The following FNDC1 variants were observed in gnomAD, a reference collection of about 807,000 sequenced individuals.
FNDC1 encodes the protein fibronectin type III domain-containing protein 1.
In FNDC1, 96 loss-of-function variants were observed where a neutral mutation model predicts 168.0. The ratio of observed to expected loss-of-function variants is 0.57; its 90% CI spans 0.48 to 0.68. FNDC1 has a LOEUF of 0.68. Among genes scored for constraint, FNDC1 ranks in the 30% least tolerant of loss-of-function variants. The pLI is 0.00. For synonymous variants in FNDC1, 1,099 were observed against 1,025.9 expected (o/e 1.07, Z -1.36); for missense variants, 2,587 against 2,482.1 (o/e 1.04, Z -0.90).
At chr6:159,238,789 GAGA>G in intron 13 of FNDC1, 124 bp downstream of exon 13, 1 of 652,466 alleles carries the variant, frequency 1.5e-6, no homozygotes, top group South Asian at 2.1e-5. Context: ...TTACCCATGT[GAGA>G]AGAAGAGCCT....
At chr6:159,247,548 A>G (rs926856183) in intron 15 of FNDC1, among the ~76,000 whole-genome samples, 3 of 152,092 alleles carry the variant, frequency 2.0e-5, no homozygotes, top group Non-Finnish European at 4.4e-5. Flanking sequence ...CAGGAGTTCA[A>G]AAGCAGCCTG....
At position 159,238,575 on chromosome 6, in the gene FNDC1, T is replaced by C. The variant is rs1051868181; in HGVS notation, c.4090T>C (p.Leu1364=). ...TKWVVDLDRG[L]VLNAEGRYLQ... ...TTAGGTTGTGGACCTTGATCGTGGG[T>C]TAGTATTGAATGCAGAAGGAAGGTA... The change falls in exon 13 of 23, where the codon TTA becomes CTA. Residue 1364 remains leucine (L), a synonymous_variant. Transcript: ENST00000297267. 2 of 1,610,932 alleles carry C rather than the reference T, an allele frequency of 1.2e-6. No homozygotes were observed. The highest frequency in any genetic ancestry group is 1.3e-5 in the African/African-American group (1 of 74,864).
At position 159,232,088 on chromosome 6, in the gene FNDC1, C is replaced by G. The variant is rs267600879; in HGVS notation, c.1576C>G (p.Arg526Gly). The stretch of plus-strand genomic sequence containing the variant: ...TGGGGCGCCCCGAAAACCCCAGCTT[C>G]GCGCCAAGAAGGCAGAGGAGCTGGA... ...NGGAPRKPQL[R>G]AKKAEELDLQ... Residue 526 changes from arginine to glycine, a missense_variant, in exon 11 of 23, where the codon CGC becomes GGC. Transcript: ENST00000297267. The surrounding 1 kb of genome is among the most constrained non-coding windows in gnomAD (Gnocchi z 4.9). 18 of 1,613,766 alleles carry G rather than the reference C, an allele frequency of 1.1e-5. No homozygotes were observed. The highest frequency in any genetic ancestry group is 1.5e-5 in the Non-Finnish European group (18 of 1,179,784).
At chr6:159,204,248 A>G (rs1190078594) in intron 4 of FNDC1, among the ~76,000 whole-genome samples, 1 of 152,102 alleles carries the variant, frequency 6.6e-6, no homozygotes, top group East Asian at 1.9e-4. Flanking sequence ...TTGCTCCCTA[A>G]ATCCAGCAAC....
At chr6:159,253,416 C>G (rs1273989434) in intron 17 of FNDC1, among the ~76,000 whole-genome samples, 1 of 152,198 alleles carries the variant, frequency 6.6e-6, no homozygotes, top group Non-Finnish European at 1.5e-5. Flanking sequence ...AATGAAGCAT[C>G]ACATTATCGG....
chr6:159,200,401 C>T, intron 3 of FNDC1, 112 bp from the exon 4 acceptor site: 1 of 839,050 alleles, frequency 1.2e-6, no homozygotes, highest in South Asian at 1.7e-5. Flanking sequence ...CTGAGCAGAT[C>T]CTTTTGAAGA....
chr6:159,198,376 T>C (rs1453889364), intron 2 of FNDC1, among the ~76,000 whole-genome samples: 1 of 152,238 alleles, frequency 6.6e-6, no homozygotes, highest in Non-Finnish European at 1.5e-5. Flanking sequence ...TAGTGGATCA[T>C]GGGCTCCTCA....
chr6:159,271,638 A>G lies in FNDC1; in HGVS notation c.*196A>G. 2.0e-6 allele frequency: 1 copy of G among 509,648 alleles called. No individual in the cohort carries two copies. Among genetic ancestry groups the G allele is most frequent in the Admixed American group, 3.4e-5 (1 of 29,838 alleles). The allele number at this position is 509,648 out of a possible 1,614,324, so 31.6% of individuals were successfully genotyped here. A position where few individuals can be genotyped will look rare whatever the true frequency, so the allele number is the denominator to read the frequency against. On this transcript the variant is annotated 3_prime_UTR_variant, in exon 23 of 23. Coordinates refer to ENST00000297267, the MANE Select transcript of FNDC1 (RefSeq NM_032532.3). ...CTTCTTGGCCTGGACAATGAACAGG[A>G]TTCAGTTTTGCTGTTAACTTTGCTT...
rs1224932364 is a variant in FNDC1, at chr6:159,183,430, G to A, written c.109+13725G>A. ...AAACTGTCATCCCTCAGACCTCTGCGTTCTTTGGGTGGAGATGTCAAGTAG... is the reference window on the plus strand; with the variant it reads ...AAACTGTCATCCCTCAGACCTCTGCATTCTTTGGGTGGAGATGTCAAGTAG... On this transcript the variant is annotated intron_variant, in intron 1 of 22. Coordinates refer to ENST00000297267, the MANE Select transcript of FNDC1 (RefSeq NM_032532.3). Among the ~76,000 whole-genome samples the A allele has an allele frequency of 5.3e-5, 8 of 152,184 alleles. No individual in the cohort carries two copies. The East Asian group carries it at 5.8e-4, about 11-fold the overall frequency.
At chr6:159,228,876 C>G (rs1056304550) in intron 9 of FNDC1, among the ~76,000 whole-genome samples, 2 of 152,024 alleles carry the variant, frequency 1.3e-5, no homozygotes, top group Admixed American at 6.5e-5. Flanking sequence ...GGGTTTCACC[C>G]TGCTGGCCAG....
At chr6:159,199,680 T>C (rs1782330679) in intron 2 of FNDC1, among the ~76,000 whole-genome samples, 1 of 152,252 alleles carries the variant, frequency 6.6e-6, no homozygotes, top group Non-Finnish European at 1.5e-5. Flanking sequence ...GTTTCCTACA[T>C]GGATTTCACA....
chr6:159,179,039 C>A (rs1781827827), intron 1 of FNDC1, among the ~76,000 whole-genome samples: 1 of 152,190 alleles, frequency 6.6e-6, no homozygotes. Context: ...CCACGCCCTC[C>A]CTCACCGTCT....
At chr6:159,219,444 G>A (rs1364664894) in intron 5 of FNDC1, among the ~76,000 whole-genome samples, 10 of 152,132 alleles carry the variant, frequency 6.6e-5, no homozygotes, top group Non-Finnish European at 2.9e-5. Flanking sequence ...TTGCTGGGTG[G>A]CTGTGGCCTG....
chr6:159,213,179 A>G (rs761457540), intron 4 of FNDC1, among the ~76,000 whole-genome samples: 5 of 152,230 alleles, frequency 3.3e-5, no homozygotes, highest in Non-Finnish European at 7.3e-5. Flanking sequence ...CAGCAAGGCC[A>G]GAGCCTGGAA....
intron 2 of FNDC1, 70 bp from the exon 3 acceptor site, chr6:159,199,926 G>A (rs1782336701): frequency 1.5e-6 from 2 of 1,310,574 alleles, no homozygotes; most frequent in Non-Finnish European, 2.2e-6. Context: ...GGTTATGCAT[G>A]GTTAGTGAGT....
At chr6:159,191,781 G>A (rs547318300) in intron 1 of FNDC1, among the ~76,000 whole-genome samples, 93 of 152,328 alleles carry the variant, frequency 6.1e-4, no homozygotes, top group Non-Finnish European at 1.1e-3. Context: ...GCTAAAATCA[G>A]TGCATTTCAA....
intron 11 of FNDC1, among the ~76,000 whole-genome samples, chr6:159,235,943 T>TG (rs1203609103): frequency 6.6e-6 from 1 of 152,246 alleles, no homozygotes; most frequent in African/African-American, 2.4e-5. Flanking sequence ...AAGTTTTCTA[T>TG]GGCAAATTTA....
chr6:159,192,936 C>A (rs1400876827), intron 1 of FNDC1, among the ~76,000 whole-genome samples: 1 of 152,138 alleles, frequency 6.6e-6, no homozygotes, highest in Non-Finnish European at 1.5e-5. Context: ...GGTCTAGTTC[C>A]TCTCCAGACT....
intron 1 of FNDC1, among the ~76,000 whole-genome samples, chr6:159,180,793 C>A (rs1562627067): frequency 6.6e-6 from 1 of 152,062 alleles, no homozygotes; most frequent in Non-Finnish European, 1.5e-5. Flanking sequence ...TTATCCAAGT[C>A]CCTGTAAAGG....
Sources: gnomAD v4.1 joint callset for allele counts (sites outside exome capture counted in the v4.1 genomes callset) on GRCh38, gnomAD v4.1.1 for gene constraint, Gnocchi (gnomAD v3.1) non-coding constraint, MANE v1.5 for transcripts, NCBI Gene and HGNC (gene_info 2026-07-23, HGNC 2026-07-21) for gene names.